The following TEX44 variants were observed in gnomAD, a reference collection of about 807,000 sequenced individuals.
The protein encoded by TEX44 is testis expressed 44.
For missense variants in TEX44, 487 were observed against 509.6 expected (o/e 0.96, Z 0.43); for synonymous variants, 196 against 205.9 (o/e 0.95, Z 0.41).
Position 231,593,773 on chromosome 2 carries a change from C to T in TEX44, c.822C>T (p.Arg274=). The T allele has an allele frequency of 6.2e-7, 1 of 1,611,130 alleles. No individual in the cohort carries two copies. Among genetic ancestry groups the T allele is most frequent in the South Asian group, 1.1e-5 (1 of 91,050 alleles). ...YTASEENSYM[R]SMTSLLDRGE... ...CCAGTGAGGAGAACAGCTACATGCGCTCCATGACCAGCCTGCTGGACAGGG... is the reference window on the plus strand; with the variant it reads ...CCAGTGAGGAGAACAGCTACATGCGTTCCATGACCAGCCTGCTGGACAGGG... The change falls in exon 1 of 1, where the codon CGC becomes CGT. Residue 274 remains arginine, a synonymous_variant. Transcript: ENST00000313965.
Position 231,593,382 on chromosome 2 carries a change from A to C in TEX44, c.431A>C (p.Glu144Ala). 6.2e-7 allele frequency: 1 copy of C among 1,614,038 alleles called. No homozygotes were observed. The highest frequency in any genetic ancestry group is 8.5e-7 in the Non-Finnish European group (1 of 1,180,032). The change falls in exon 1 of 1, where the codon GAG (glutamate) becomes GCG (alanine). Residue 144 changes from glutamate to alanine, a missense_variant. Glu to Ala is a moderately radical substitution (Grantham distance 107, BLOSUM62 -1). Transcript: ENST00000313965. ...MSQMASVPER[E>A]PESAPSAPSA... ...CAAATGGCGAGTGTTCCTGAGAGAGAGCCGGAGTCAGCCCCCTCTGCCCCG... is the reference window on the plus strand; with the variant it reads ...CAAATGGCGAGTGTTCCTGAGAGAGCGCCGGAGTCAGCCCCCTCTGCCCCG...
chr2:231,593,169 T>C lies in TEX44; in HGVS notation c.218T>C (p.Val73Ala), dbSNP rs74460533. Residue 73 changes from valine (V) to alanine (A), a missense_variant, in exon 1 of 1, where the codon GTT becomes GCT. Transcript: ENST00000313965. ...TCTGGAGACAAAGACAAGAGTGCAG[T>C]TGTTCCAGAACACGGCCAGAAGACA... ...STSGDKDKSA[V>A]VPEHGQKTPR... The C allele has an allele frequency of 0.064, 103,874 of 1,613,970 alleles. 3,682 individuals carry two copies. The highest frequency in any genetic ancestry group is 0.071 in the Non-Finnish European group (83,934 of 1,179,964).
In TEX44 at chr2:231,593,281, G is replaced by A. The variant is rs1559209738; in HGVS notation, c.330G>A (p.Arg110=). ...GCCTTCAGAATCCAGCGTGGGACAG[G>A]CAGGTTCAAGACGCAAGGACAAGTC... The part of the protein sequence containing the change: ...SMSLQNPAWD[R]QVQDARTSQS... Residue 110 remains arginine (R), a synonymous_variant, in exon 1 of 1, where the codon AGG becomes AGA. Coordinates refer to ENST00000313965, the MANE Select transcript of TEX44 (RefSeq NM_152614.3). The A allele has an allele frequency of 1.2e-6, 2 of 1,614,140 alleles. No individual in the cohort carries two copies. The highest frequency in any genetic ancestry group is 2.2e-5 in the East Asian group (1 of 44,864).
rs1375716118 is a variant in TEX44 at position 231,593,489 on chromosome 2, G to A, written c.538G>A (p.Gly180Ser). 2 of 1,614,044 alleles carry A rather than the reference G, an allele frequency of 1.2e-6. No individual in the cohort carries two copies. The highest frequency in any genetic ancestry group is 1.3e-5 in the African/African-American group (1 of 74,942). ...TGACCATGTCACAGCAGGTGCCAAT[G>A]GCCAGCATGGCCCTCAGGCTGCCAG... ...DADHVTAGAN[G>S]QHGPQAASTT... is the part of the protein sequence containing the mutation. The change falls in exon 1 of 1, where the codon GGC becomes AGC. Residue 180 changes from glycine (G) to serine (S), a missense_variant. Transcript: ENST00000313965.
In TEX44 at chr2:231,593,769, T is replaced by C. The variant is rs1575312975; in HGVS notation, c.818T>C (p.Met273Thr). Reference sequence around the variant, plus strand: ...ACGGCCAGTGAGGAGAACAGCTACATGCGCTCCATGACCAGCCTGCTGGAC... The same window carrying C: ...ACGGCCAGTGAGGAGAACAGCTACACGCGCTCCATGACCAGCCTGCTGGAC... ...LYTASEENSY[M>T]RSMTSLLDRG... The change falls in exon 1 of 1, where the codon ATG becomes ACG. Residue 273 changes from methionine to threonine, a missense_variant. Physicochemically the swap from Met to Thr is moderately conservative, Grantham distance 81. Coordinates refer to ENST00000313965, the MANE Select transcript of TEX44 (RefSeq NM_152614.3). The C allele has an allele frequency of 1.2e-6, 2 of 1,612,016 alleles. No individual in the cohort carries two copies. The highest frequency in any genetic ancestry group is 1.1e-5 in the South Asian group (1 of 91,076).
rs1385340839 is a variant in TEX44 at position 231,594,139 on chromosome 2, G to A, written c.1188G>A (p.Ter396=). 2.5e-6 allele frequency: 4 copies of A among 1,612,314 alleles called. No homozygotes were observed. Among genetic ancestry groups the A allele is most frequent in the Middle Eastern group, 1.7e-4 (1 of 6,050 alleles). ...RQAQADPNYD[*] ...CCCAGGCTGACCCCAACTATGATTA[G>A]AGCCCTGCACAGGGACCCCCGAAGG... is the stretch of plus-strand genomic sequence containing the variant. The change falls in exon 1 of 1, where the codon TAG becomes TAA. Residue 396 remains the stop codon, a stop_retained_variant. Transcript: ENST00000313965.
In TEX44 at chr2:231,594,040, A is replaced by T. The variant is rs369891953; in HGVS notation, c.1089A>T (p.Thr363=). 21 of 1,612,874 alleles carry T rather than the reference A, an allele frequency of 1.3e-5. No individual in the cohort carries two copies. The highest frequency in any genetic ancestry group is 1.8e-5 in the Non-Finnish European group (21 of 1,179,978). ...ALRTITRVLE[T]VEQRTVEGIR... ...GCACCATCACCCGTGTGCTGGAGAC[A>T]GTGGAGCAGAGGACCGTGGAGGGCA... The change falls in exon 1 of 1, where the codon ACA becomes ACT. Residue 363 remains threonine (T), a synonymous_variant. Transcript: ENST00000313965.
chr2:231,594,181 C>A lies in TEX44; in HGVS notation c.*42C>A, dbSNP rs563782746. On this transcript the variant is annotated 3_prime_UTR_variant, in exon 1 of 1. Transcript: ENST00000313965. ...CCCCGAAGGGCTGGTTCAGTGGCCT[C>A]CAGAGATCCCTGGGACCCTCACGCC... The A allele has an allele frequency of 1.8e-5, 27 of 1,541,792 alleles. No homozygotes were observed. In the East Asian group the frequency reaches 6.0e-4, roughly 34 times the overall value.
At position 231,593,387 on chromosome 2, in the gene TEX44, G is replaced by A; in HGVS notation, c.436G>A (p.Glu146Lys). The change falls in exon 1 of 1, where the codon GAG (glutamate) becomes AAG (lysine). Residue 146 changes from glutamate to lysine, a missense_variant. By Grantham distance (56) the Glu-to-Lys change is moderately conservative. Coordinates refer to ENST00000313965, the MANE Select transcript of TEX44 (RefSeq NM_152614.3). ...GGCGAGTGTTCCTGAGAGAGAGCCG[G>A]AGTCAGCCCCCTCTGCCCCGAGTGC... Reference protein sequence around the residue: ...QMASVPEREPESAPSAPSAEL... With the variant: ...QMASVPEREPKSAPSAPSAEL... 1 of 1,614,230 alleles carries A rather than the reference G, an allele frequency of 6.2e-7. No individual in the cohort carries two copies. The highest frequency in any genetic ancestry group is 8.5e-7 in the Non-Finnish European group (1 of 1,180,052).
In TEX44 at chr2:231,593,686, G is replaced by A. The variant is rs187817153; in HGVS notation, c.735G>A (p.Pro245=). ...FPPPPAGSVS[P]SPGPHEVALG... ...CACCTCCAGCAGGCAGTGTGTCCCC[G>A]TCGCCTGGCCCCCACGAGGTGGCCC... Residue 245 remains proline (P), a synonymous_variant, in exon 1 of 1, where the codon CCG becomes CCA. Transcript: ENST00000313965. 20 of 1,612,246 alleles carry A rather than the reference G, an allele frequency of 1.2e-5. No individual in the cohort carries two copies. Among genetic ancestry groups the A allele is most frequent in the African/African-American group, 1.2e-4 (9 of 75,068 alleles).
chr2:231,593,430 A>T lies in TEX44; in HGVS notation c.479A>T (p.Gln160Leu). ...CCGAGTGCTGAGCTACAGTCCACCC[A>T]GCACATGGAGGCTCAGCCCGTCGAG... ...SAPSAELQST[Q>L]HMEAQPVESD... The change falls in exon 1 of 1, where the codon CAG becomes CTG. Residue 160 changes from glutamine to leucine, a missense_variant. Transcript: ENST00000313965. 6.2e-7 allele frequency: 1 copy of T among 1,614,224 alleles called. No homozygotes were observed.
Position 231,594,020 on chromosome 2 carries a change from A to G in TEX44, c.1069A>G (p.Ile357Val), listed in dbSNP as rs933082998. The change falls in exon 1 of 1, where the codon ATC becomes GTC. Residue 357 changes from isoleucine to valine, a missense_variant. Physicochemically the swap from Ile to Val is conservative, Grantham distance 29. Coordinates refer to ENST00000313965, the MANE Select transcript of TEX44 (RefSeq NM_152614.3). ...VSGTSSALRT[I>V]TRVLETVEQR... ...AGGGACCAGCTCAGCCCTGCGCACC[A>G]TCACCCGTGTGCTGGAGACAGTGGA... The G allele has an allele frequency of 1.2e-5, 19 of 1,611,934 alleles. No homozygotes were observed. Among genetic ancestry groups the G allele is most frequent in the Non-Finnish European group, 1.6e-5 (19 of 1,179,986 alleles).
At position 231,593,283 on chromosome 2, in the gene TEX44, A is replaced by T; in HGVS notation, c.332A>T (p.Gln111Leu). The T allele has an allele frequency of 1.2e-6, 2 of 1,614,204 alleles. No homozygotes were observed. Among genetic ancestry groups the T allele is most frequent in the Non-Finnish European group, 1.7e-6 (2 of 1,180,038 alleles). Reference protein sequence around the residue: ...MSLQNPAWDRQVQDARTSQSL... With the variant: ...MSLQNPAWDRLVQDARTSQSL... The stretch of plus-strand genomic sequence containing the variant: ...CTTCAGAATCCAGCGTGGGACAGGC[A>T]GGTTCAAGACGCAAGGACAAGTCAG... The change falls in exon 1 of 1, where the codon CAG (glutamine) becomes CTG (leucine). Residue 111 changes from glutamine (Q) to leucine (L), a missense_variant. Coordinates refer to ENST00000313965, the MANE Select transcript of TEX44 (RefSeq NM_152614.3).
Position 231,594,188 on chromosome 2 carries a change from TCCCTGGGACCCTCACG to T in TEX44, c.*55_*70del. On this transcript the variant is annotated 3_prime_UTR_variant, in exon 1 of 1. Transcript: ENST00000313965. ...GGGCTGGTTCAGTGGCCTCCAGAGA[TCCCTGGGACCCTCACG>T]CCCTGCTCCCTTGCCCATTCTTGCT... 6.6e-7 allele frequency: 1 copy of T among 1,511,410 alleles called. No individual in the cohort carries two copies. The highest frequency in any genetic ancestry group is 9.1e-7 in the Non-Finnish European group (1 of 1,104,688). The allele number at this position is 1,511,410 out of a possible 1,614,324, so 93.6% of individuals were successfully genotyped here. A position where few individuals can be genotyped will look rare whatever the true frequency, so the allele number is the denominator to read the frequency against.
In TEX44 at chr2:231,594,159, C is replaced by A. The variant is rs112363884; in HGVS notation, c.*20C>A. The A allele has an allele frequency of 1.2e-6, 2 of 1,600,822 alleles. No individual in the cohort carries two copies. Among genetic ancestry groups the A allele is most frequent in the Admixed American group, 3.4e-5 (2 of 59,464 alleles). Reference sequence around the variant, plus strand: ...GATTAGAGCCCTGCACAGGGACCCCCGAAGGGCTGGTTCAGTGGCCTCCAG... The same window carrying A: ...GATTAGAGCCCTGCACAGGGACCCCAGAAGGGCTGGTTCAGTGGCCTCCAG... On this transcript the variant is annotated 3_prime_UTR_variant, in exon 1 of 1. Coordinates refer to ENST00000313965, the MANE Select transcript of TEX44 (RefSeq NM_152614.3).
rs751113099 is a variant in TEX44 at position 231,593,064 on chromosome 2, G to A, written c.113G>A (p.Ser38Asn). 6.2e-7 allele frequency: 1 copy of A among 1,614,176 alleles called. No individual in the cohort carries two copies. The highest frequency in any genetic ancestry group is 8.5e-7 in the Non-Finnish European group (1 of 1,180,028). The change falls in exon 1 of 1, where the codon AGC becomes AAC. Residue 38 changes from serine to asparagine, a missense_variant. By Grantham distance (46) the Ser-to-Asn change is conservative. Transcript: ENST00000313965. ...VPLTADVLAVSSSVASTDWQD... is the reference protein window; with the variant it reads ...VPLTADVLAVNSSVASTDWQD... Reference sequence around the variant, plus strand: ...CTCACAGCAGATGTCTTGGCAGTGAGCAGCTCTGTCGCATCCACTGACTGG... The same window carrying A: ...CTCACAGCAGATGTCTTGGCAGTGAACAGCTCTGTCGCATCCACTGACTGG...
At position 231,594,217 on chromosome 2, in the gene TEX44, G is replaced by C; in HGVS notation, c.*78G>C. On this transcript the variant is annotated 3_prime_UTR_variant, in exon 1 of 1. Transcript: ENST00000313965. ...TGGGACCCTCACGCCCTGCTCCCTTGCCCATTCTTGCTCTGGACGGTTCCC... is the reference window on the plus strand; with the variant it reads ...TGGGACCCTCACGCCCTGCTCCCTTCCCCATTCTTGCTCTGGACGGTTCCC... 2.4e-6 allele frequency: 3 copies of C among 1,234,528 alleles called. No individual in the cohort carries two copies. Among genetic ancestry groups the C allele is most frequent in the Non-Finnish European group, 2.3e-6 (2 of 882,106 alleles). 76.5% of individuals were successfully genotyped at this position (1,234,528 alleles called of 1,614,324 possible).
chr2:231,593,779 G>T lies in TEX44; in HGVS notation c.828G>T (p.Met276Ile). ...AGGAGAACAGCTACATGCGCTCCAT[G>T]ACCAGCCTGCTGGACAGGGGCGAGG... ...ASEENSYMRSMTSLLDRGEGS... is the reference protein window; with the variant it reads ...ASEENSYMRSITSLLDRGEGS... The change falls in exon 1 of 1, where the codon ATG becomes ATT. Residue 276 changes from methionine (M) to isoleucine (I), a missense_variant. Met to Ile is a conservative substitution (Grantham distance 10, BLOSUM62 1). Coordinates refer to ENST00000313965, the MANE Select transcript of TEX44 (RefSeq NM_152614.3). The T allele has an allele frequency of 6.2e-7, 1 of 1,611,802 alleles. No homozygotes were observed. Among genetic ancestry groups the T allele is most frequent in the South Asian group, 1.1e-5 (1 of 91,064 alleles).
Position 231,593,270 on chromosome 2 carries a change from G to C in TEX44, c.319G>C (p.Ala107Pro). 1 of 1,614,196 alleles carries C rather than the reference G, an allele frequency of 6.2e-7. No homozygotes were observed. Among genetic ancestry groups the C allele is most frequent in the South Asian group, 1.1e-5 (1 of 91,088 alleles). ...AGTGTCTATGAGCCTTCAGAATCCA[G>C]CGTGGGACAGGCAGGTTCAAGACGC... ...LQVSMSLQNPAWDRQVQDART... is the reference protein window; with the variant it reads ...LQVSMSLQNPPWDRQVQDART... Residue 107 changes from alanine (A) to proline (P), a missense_variant, in exon 1 of 1, where the codon GCG (alanine) becomes CCG (proline). Coordinates refer to ENST00000313965, the MANE Select transcript of TEX44 (RefSeq NM_152614.3).
Sources: gnomAD v4.1 joint callset for allele counts on GRCh38, gnomAD v4.1.1 for gene constraint, MANE v1.5 for transcripts, NCBI Gene and HGNC (gene_info 2026-07-23, HGNC 2026-07-21) for gene names.